CCSER1: variants seen among roughly 807,000 people sequenced by gnomAD.
The protein encoded by CCSER1 is serine-rich coiled-coil domain-containing protein 1.
CCSER1 carries 41 observed loss-of-function variants against 82.0 expected under a neutral mutation model. The observed-to-expected ratio is 0.50, with a 90% CI of 0.39 to 0.65. The LOEUF is 0.65. CCSER1 is among the 30% of genes least tolerant of loss of function. The probability of loss-of-function intolerance (pLI) is 0.00; values close to 1 mark genes in which losing one functional copy is unlikely to be tolerated. For missense variants in CCSER1, 1,119 were observed against 1,064.2 expected (o/e 1.05, Z -0.72); for synonymous variants, 414 against 383.9 (o/e 1.08, Z -0.92).
chr4:90,267,060 TG>T (rs1292809952), intron 1 of CCSER1, among the ~76,000 whole-genome samples: 1 of 152,000 alleles, frequency 6.6e-6, no homozygotes, highest in Non-Finnish European at 1.5e-5. Flanking sequence ...TTTTAGGCTT[TG>T]GCTTTTGGAC....
intron 7 of CCSER1, among the ~76,000 whole-genome samples, chr4:90,767,916 G>C (rs571016318): frequency 6.6e-6 from 1 of 152,118 alleles, no homozygotes; most frequent in African/African-American, 2.4e-5. Flanking sequence ...GCCTCCCAAA[G>C]TGTTGGGAGT....
chr4:90,438,092 A>G (rs1447188678), intron 4 of CCSER1, among the ~76,000 whole-genome samples: 1 of 152,170 alleles, frequency 6.6e-6, no homozygotes, highest in Non-Finnish European at 1.5e-5. Context: ...GCACATTGAA[A>G]AAGCTTATTG....
intron 1 of CCSER1, among the ~76,000 whole-genome samples, chr4:90,283,580 C>A (rs143180366): frequency 1.9e-3 from 291 of 152,044 alleles, no homozygotes; most frequent in African/African-American, 6.7e-3. Flanking sequence ...CTGTAGTCAC[C>A]TTATTGTGCT....
At chr4:90,879,504 G>C (rs947175758) in intron 8 of CCSER1, among the ~76,000 whole-genome samples, 1 of 144,210 alleles carries the variant, frequency 6.9e-6, no homozygotes, top group Non-Finnish European at 1.5e-5. Flanking sequence ...AGAAGAAGAA[G>C]AAGAAGAAGA....
chr4:90,897,393 G>A (rs1224299755), intron 8 of CCSER1, among the ~76,000 whole-genome samples: 1 of 151,976 alleles, frequency 6.6e-6, no homozygotes, highest in Non-Finnish European at 1.5e-5. Flanking sequence ...TATGGTGTTT[G>A]ATTTTCTGTT....
At chr4:90,852,539 G>T (rs1175414056) in intron 8 of CCSER1, among the ~76,000 whole-genome samples, 1 of 152,224 alleles carries the variant, frequency 6.6e-6, no homozygotes, top group Non-Finnish European at 1.5e-5. Flanking sequence ...CAGAGAAGCT[G>T]CTCACATTGC....
chr4:90,242,418 A>G (rs780729310), intron 1 of CCSER1, among the ~76,000 whole-genome samples: 1 of 152,136 alleles, frequency 6.6e-6, no homozygotes, highest in East Asian at 1.9e-4. Context: ...TAAACTGTTG[A>G]TATTTTTTAT....
At chr4:90,494,973 T>TTTCTGTAGC (rs1247227838) in intron 5 of CCSER1, among the ~76,000 whole-genome samples, 1 of 152,118 alleles carries the variant, frequency 6.6e-6, no homozygotes, top group Non-Finnish European at 1.5e-5. Context: ...GGGCACCTGA[T>TTTCTGTAGC]TTCTGTAGCT....
At chr4:90,397,148 C>A (rs1473851819) in intron 3 of CCSER1, among the ~76,000 whole-genome samples, 3 of 152,150 alleles carry the variant, frequency 2.0e-5, no homozygotes, top group Non-Finnish European at 4.4e-5. Flanking sequence ...TTTGTAAGCA[C>A]AATATCAAAG....
intron 1 of CCSER1, among the ~76,000 whole-genome samples, chr4:90,198,703 A>C (rs1396701077): frequency 6.6e-6 from 1 of 152,128 alleles, no homozygotes; most frequent in Non-Finnish European, 1.5e-5. Flanking sequence ...GAACTATTTC[A>C]AATCAATTTT....
intron 10 of CCSER1, among the ~76,000 whole-genome samples, chr4:91,579,252 T>G (rs1277291711): frequency 1.3e-5 from 2 of 151,680 alleles, no homozygotes; most frequent in South Asian, 2.1e-4. Context: ...TTATTTCACA[T>G]TCAGGGGGTA....
intron 10 of CCSER1, among the ~76,000 whole-genome samples, chr4:91,317,589 C>CGTGTGTGTGTGTGCGTGT (rs1553923711): frequency 1.3e-5 from 2 of 150,712 alleles, no homozygotes; most frequent in African/African-American, 2.4e-5. Context: ...AAAGTATATA[C>CGTGTGTGTGTGTGCGTGT]GTGTGTGTGT....
chr4:90,935,562 T>C (rs927067089), intron 9 of CCSER1, among the ~76,000 whole-genome samples: 3 of 152,198 alleles, frequency 2.0e-5, no homozygotes, highest in African/African-American at 4.8e-5. Context: ...CAGGTGTTAA[T>C]ACTACAAGTC....
At chr4:90,656,062 C>T (rs960464654) in intron 6 of CCSER1, among the ~76,000 whole-genome samples, 4 of 151,900 alleles carry the variant, frequency 2.6e-5, no homozygotes, top group African/African-American at 9.7e-5. Context: ...ATCACCTCTT[C>T]ACTTCATCTT....
At chr4:91,109,404 C>G (rs534190604) in intron 10 of CCSER1, among the ~76,000 whole-genome samples, 9 of 151,858 alleles carry the variant, frequency 5.9e-5, no homozygotes, top group Non-Finnish European at 1.2e-4. Flanking sequence ...CCAGAGAAAC[C>G]TAACTAATAC....
Position 91,601,474 on chromosome 4 carries a change from C to G in CCSER1, c.*2417C>G, listed in dbSNP as rs1764813699. 6.6e-6 allele frequency: 1 copy of G among 151,998 alleles called. No homozygotes were observed. Among genetic ancestry groups the G allele is most frequent in the Non-Finnish European group, 1.5e-5 (1 of 67,922 alleles). The allele number at this position is 151,998 out of a possible 1,614,324, so 9.4% of individuals were successfully genotyped here. Reference sequence around the variant, plus strand: ...GTAAGCCCACTATGCTAATGTACATCAGTAACTGTAAAACAGGGGTTCTTT... The same window carrying G: ...GTAAGCCCACTATGCTAATGTACATGAGTAACTGTAAAACAGGGGTTCTTT... On this transcript the variant is annotated 3_prime_UTR_variant, in exon 11 of 11. Transcript: ENST00000509176.
chr4:91,459,053 T>C (rs1428625285), intron 10 of CCSER1, among the ~76,000 whole-genome samples: 1 of 152,102 alleles, frequency 6.6e-6, no homozygotes, highest in African/African-American at 2.4e-5. Context: ...CAATATATAA[T>C]GTTTCCTTCA....
intron 9 of CCSER1, among the ~76,000 whole-genome samples, chr4:91,004,237 A>T (rs2150484582): frequency 6.6e-6 from 1 of 152,268 alleles, no homozygotes; most frequent in Admixed American, 6.5e-5. Context: ...TCTTGCCTCC[A>T]GTCCACCGTA....
intron 5 of CCSER1, among the ~76,000 whole-genome samples, chr4:90,487,131 C>T (rs1364791438): frequency 2.6e-5 from 4 of 152,132 alleles, no homozygotes; most frequent in African/African-American, 7.2e-5. Flanking sequence ...AGGCTGGTCT[C>T]GAACTCCTGA....
Sources: gnomAD v4.1 joint callset for allele counts (sites outside exome capture counted in the v4.1 genomes callset) on GRCh38, gnomAD v4.1.1 for gene constraint, MANE v1.5 for transcripts, NCBI Gene and HGNC (gene_info 2026-07-23, HGNC 2026-07-21) for gene names.